KIRREL3: variants seen among roughly 807,000 people sequenced by gnomAD.
KIRREL3 encodes the protein kirre like nephrin family adhesion molecule 3.
In KIRREL3, 36 loss-of-function variants were observed where a neutral mutation model predicts 89.7. That is an observed-to-expected ratio of 0.40 (90% CI 0.31 to 0.53). KIRREL3 has a LOEUF of 0.53. Among genes scored for constraint, KIRREL3 ranks in the 20% least tolerant of loss-of-function variants. The pLI is 0.49. For missense variants in KIRREL3, 864 were observed against 1,056.6 expected (o/e 0.82, Z 2.53); for synonymous variants, 445 against 441.4 (o/e 1.01, Z -0.10).
rs1021302930 is a variant in KIRREL3, at chr11:126,574,866, T to C, written c.56-11954A>G. Reference sequence around the variant, plus strand: ...TACTTCTTGGAATAGGAATGAATAGTACGAGAAAATACCTGGGTCCACACT... The same window carrying C: ...TACTTCTTGGAATAGGAATGAATAGCACGAGAAAATACCTGGGTCCACACT... On this transcript the variant is annotated intron_variant, in intron 1 of 16. Coordinates refer to ENST00000525144, the MANE Select transcript of KIRREL3 (RefSeq NM_032531.4). This position sits in a 1 kb window ranked among gnomAD's most constrained non-coding sequence, Gnocchi z 5.3. 2.6e-5 allele frequency among the ~76,000 whole-genome samples: 4 copies of C among 152,244 alleles called. No homozygotes were observed. The highest frequency in any genetic ancestry group is 5.9e-5 in the Non-Finnish European group (4 of 68,044).
intron 1 of KIRREL3, among the ~76,000 whole-genome samples, chr11:126,829,794 T>C (rs552423898): frequency 6.6e-6 from 1 of 152,310 alleles, no homozygotes; most frequent in Non-Finnish European, 1.5e-5. Flanking sequence ...TGAAAACCTT[T>C]ATCATTAAAA....
In KIRREL3 at chr11:126,563,380, C is replaced by A. The variant is rs1432631299; in HGVS notation, c.56-468G>T. 6.6e-6 allele frequency among the ~76,000 whole-genome samples: 1 copy of A among 152,178 alleles called. No homozygotes were observed. Among genetic ancestry groups the A allele is most frequent in the Non-Finnish European group, 1.5e-5 (1 of 68,048 alleles). On this transcript the variant is annotated intron_variant, in intron 1 of 16. Transcript: ENST00000525144. The surrounding 1 kb of genome is among the most constrained non-coding windows in gnomAD (Gnocchi z 6.8). The stretch of plus-strand genomic sequence containing the variant: ...CAGTCGTGTCTAGGATGGAACAGTG[C>A]AACCAGACATGGTGGGTGACTCAGG...
In KIRREL3 at chr11:126,796,805, T is replaced by G. The variant is rs185800690; in HGVS notation, c.55+203650A>C. Among the ~76,000 whole-genome samples, 50 of 152,164 alleles carry G rather than the reference T, an allele frequency of 3.3e-4. No homozygotes were observed. The highest frequency in any genetic ancestry group is 3.3e-3 in the Admixed American group (50 of 15,268). ...ATCCTCCTACCTCAGCCTGGCTGAT[T>G]TTTTCCCACCCCTGCTTTTTAAAAA... On this transcript the variant is annotated intron_variant, in intron 1 of 16. Coordinates refer to ENST00000525144, the MANE Select transcript of KIRREL3 (RefSeq NM_032531.4). The surrounding 1 kb of genome is among the most constrained non-coding windows in gnomAD (Gnocchi z 5.1).
At chr11:126,712,045 C>T (rs974643634) in intron 1 of KIRREL3, among the ~76,000 whole-genome samples, 4 of 152,234 alleles carry the variant, frequency 2.6e-5, no homozygotes, top group Non-Finnish European at 5.9e-5. Flanking sequence ...CTGCCGTCAG[C>T]CAGCCACGCC....
At position 126,463,867 on chromosome 11, in the gene KIRREL3, C is replaced by T. The variant is rs765790317; in HGVS notation, c.592-560G>A. 2.0e-5 allele frequency among the ~76,000 whole-genome samples: 3 copies of T among 152,136 alleles called. No individual in the cohort carries two copies. Among genetic ancestry groups the T allele is most frequent in the Non-Finnish European group, 2.9e-5 (2 of 68,022 alleles). ...TATAAATCCTTTCAACTTTCCAAAG[C>T]GTTTCACTCCCTGATCTCATTAGAG... On this transcript the variant is annotated intron_variant, in intron 5 of 16. Transcript: ENST00000525144. The surrounding 1 kb of genome is among the most constrained non-coding windows in gnomAD (Gnocchi z 5.9).
At chr11:126,944,931 C>G (rs1240899662) in intron 1 of KIRREL3, 1 of 152,180 alleles carries the variant, frequency 6.6e-6, no homozygotes, top group Non-Finnish European at 1.5e-5. Flanking sequence ...CATTCAGGAC[C>G]CTAATGAAGA....
chr11:126,782,607 T>C lies in KIRREL3; in HGVS notation c.55+217848A>G, dbSNP rs1044779891. On this transcript the variant is annotated intron_variant, in intron 1 of 16. Coordinates refer to ENST00000525144, the MANE Select transcript of KIRREL3 (RefSeq NM_032531.4). This position sits in a 1 kb window ranked among gnomAD's most constrained non-coding sequence, Gnocchi z 4.1. Reference sequence around the variant, plus strand: ...GAAACTGAACAGTTAAGTAAATGGATGGCAGATGGTGGGAGCCAGGCGTTT... The same window carrying C: ...GAAACTGAACAGTTAAGTAAATGGACGGCAGATGGTGGGAGCCAGGCGTTT... 5.3e-5 allele frequency among the ~76,000 whole-genome samples: 8 copies of C among 152,186 alleles called. No homozygotes were observed. Among genetic ancestry groups the C allele is most frequent in the African/African-American group, 1.7e-4 (7 of 41,440 alleles).
At chr11:126,916,067 T>C (rs1592347484) in intron 1 of KIRREL3, among the ~76,000 whole-genome samples, 1 of 152,214 alleles carries the variant, frequency 6.6e-6, no homozygotes, top group Non-Finnish European at 1.5e-5. Flanking sequence ...GTAAAACATA[T>C]ACAGCCTTTC....
At chr11:126,597,448 A>G (rs1254865007) in intron 1 of KIRREL3, among the ~76,000 whole-genome samples, 1 of 152,250 alleles carries the variant, frequency 6.6e-6, no homozygotes, top group Non-Finnish European at 1.5e-5. Context: ...TTTAAGGCCA[A>G]TATGAAAAGA....
Position 126,642,573 on chromosome 11 carries a change from G to A in KIRREL3, c.56-79661C>T, listed in dbSNP as rs375059730. 6.6e-6 allele frequency among the ~76,000 whole-genome samples: 1 copy of A among 152,244 alleles called. No homozygotes were observed. Among genetic ancestry groups the A allele is most frequent in the African/African-American group, 2.4e-5 (1 of 41,550 alleles). ...TAGGAAATACATGTTTGATTTTCTT[G>A]GGTGACCACCATCTCCAAGAGAACC... On this transcript the variant is annotated intron_variant, in intron 1 of 16. Transcript: ENST00000525144. This position sits in a 1 kb window ranked among gnomAD's most constrained non-coding sequence, Gnocchi z 4.9.
intron 7 of KIRREL3, among the ~76,000 whole-genome samples, chr11:126,450,356 C>T (rs1219346415): frequency 2.9e-5 from 4 of 138,606 alleles, no homozygotes; most frequent in Non-Finnish European, 6.2e-5. Context: ...TGTCCATGTG[C>T]ATGTGTGCAT....
intron 1 of KIRREL3, among the ~76,000 whole-genome samples, chr11:126,690,491 GT>G (rs1372434892): frequency 2.0e-5 from 3 of 151,936 alleles, no homozygotes; most frequent in African/African-American, 7.2e-5. Flanking sequence ...AAGGGCTCTG[GT>G]TGGGAAAATG....
rs1339523070 is a variant in KIRREL3, at chr11:126,898,989, T to G, written c.55+101466A>C. On this transcript the variant is annotated intron_variant, in intron 1 of 16. Coordinates refer to ENST00000525144, the MANE Select transcript of KIRREL3 (RefSeq NM_032531.4). This position sits in a 1 kb window ranked among gnomAD's most constrained non-coding sequence, Gnocchi z 4.9. ...AGAGGGGGATGCTGTAAGATGAGAC[T>G]TAAAAGCCGCAGGGGAGTTTGGGGG... Among the ~76,000 whole-genome samples the G allele has an allele frequency of 8.0e-6, 1 of 124,954 alleles. No individual in the cohort carries two copies. The highest frequency in any genetic ancestry group is 1.6e-5 in the Non-Finnish European group (1 of 62,382). 82.0% of individuals were successfully genotyped at this position (124,954 alleles called of 152,430 possible). A position where few individuals can be genotyped will look rare whatever the true frequency, so the allele number is the denominator to read the frequency against.
chr11:126,514,793 C>T (rs1041089258), intron 4 of KIRREL3, among the ~76,000 whole-genome samples: 4 of 151,876 alleles, frequency 2.6e-5, no homozygotes, highest in Admixed American at 6.6e-5. Flanking sequence ...AGAGGCCAGG[C>T]GCTTAGCCAC....
At chr11:126,701,978 G>C (rs991086128) in intron 1 of KIRREL3, among the ~76,000 whole-genome samples, 2 of 152,086 alleles carry the variant, frequency 1.3e-5, no homozygotes, top group African/African-American at 4.8e-5. Flanking sequence ...AGATTTGTTA[G>C]GTCTCCTTCC....
chr11:126,459,905 G>A lies in KIRREL3; in HGVS notation c.742+3252C>T, dbSNP rs974108980. 3.3e-5 allele frequency among the ~76,000 whole-genome samples: 5 copies of A among 152,214 alleles called. No homozygotes were observed. The highest frequency in any genetic ancestry group is 6.5e-5 in the Admixed American group (1 of 15,282). ...AGCTTTCTCTCCCATTACTCAATCT[G>A]AGGGCTTTGTCTTCCGTTGGGTAAC... is the stretch of plus-strand genomic sequence containing the variant. On this transcript the variant is annotated intron_variant, in intron 6 of 16. Coordinates refer to ENST00000525144, the MANE Select transcript of KIRREL3 (RefSeq NM_032531.4). This position sits in a 1 kb window ranked among gnomAD's most constrained non-coding sequence, Gnocchi z 4.8.
intron 1 of KIRREL3, among the ~76,000 whole-genome samples, chr11:126,921,865 TCCTATCTATCTATCTATCATCTATCTC>T: frequency 7.4e-6 from 1 of 135,076 alleles, no homozygotes; most frequent in Non-Finnish European, 1.6e-5. Flanking sequence ...CTTTCTGTCA[TCCTATCTATCTATCTATCATCTATCTC>T]CCTATCTATC....
Position 126,594,128 on chromosome 11 carries a change from T to G in KIRREL3, c.56-31216A>C, listed in dbSNP as rs2134719881. On this transcript the variant is annotated intron_variant, in intron 1 of 16. Transcript: ENST00000525144. This position sits in a 1 kb window ranked among gnomAD's most constrained non-coding sequence, Gnocchi z 5.0. The stretch of plus-strand genomic sequence containing the variant: ...CCTCCTCCCATCCTCCACCCCTCCC[T>G]CCTGGTCACAGGTTCTGCCCTGAGA... 6.6e-6 allele frequency among the ~76,000 whole-genome samples: 1 copy of G among 152,168 alleles called. No individual in the cohort carries two copies. The highest frequency in any genetic ancestry group is 2.4e-5 in the African/African-American group (1 of 41,542).
At position 126,997,547 on chromosome 11, in the gene KIRREL3, A is replaced by G. The variant is rs1950210563; in HGVS notation, c.55+2908T>C. On this transcript the variant is annotated intron_variant, in intron 1 of 16. Coordinates refer to ENST00000525144, the MANE Select transcript of KIRREL3 (RefSeq NM_032531.4). The surrounding 1 kb of genome is among the most constrained non-coding windows in gnomAD (Gnocchi z 4.3). ...TCTACATGAAAAGCCCAAACTTTCA[A>G]AGAATAGGGACCCACCATATTACTG... 6.8e-6 allele frequency among the ~76,000 whole-genome samples: 1 copy of G among 147,346 alleles called. No homozygotes were observed. The highest frequency in any genetic ancestry group is 2.6e-5 in the African/African-American group (1 of 39,012).
Sources: gnomAD v4.1 joint callset for allele counts (sites outside exome capture counted in the v4.1 genomes callset) on GRCh38, gnomAD v4.1.1 for gene constraint, Gnocchi (gnomAD v3.1) non-coding constraint, MANE v1.5 for transcripts, NCBI Gene and HGNC (gene_info 2026-07-23, HGNC 2026-07-21) for gene names.